Variants in PDXDC1 observed in about 807,000 individuals in gnomAD.
PDXDC1 encodes the protein pyridoxal-dependent decarboxylase domain-containing protein 1.
A neutral mutation model predicts 100.1 loss-of-function variants in PDXDC1; 42 were observed. The ratio of observed to expected loss-of-function variants is 0.42; its 90% CI spans 0.33 to 0.54. PDXDC1 has a LOEUF of 0.54. PDXDC1 is among the 20% of genes least tolerant of loss of function. PDXDC1 has a pLI of 0.10. For synonymous variants in PDXDC1, 260 were observed against 371.7 expected, an observed-to-expected ratio of 0.70 and a Z score of 3.46; for missense variants, 636 against 979.2, an observed-to-expected ratio of 0.65 and a Z score of 4.68.
chr16:15,022,566 G>C, intron 12 of PDXDC1, 138 bp from the exon 13 acceptor site: 1 of 646,894 alleles, frequency 1.5e-6, no homozygotes, highest in Non-Finnish European at 2.6e-6. Flanking sequence ...AAAACAGGTG[G>C]CTGAACTTAG....
chr16:15,077,579 C>T (rs1177157073), intron 16 of PDXDC1, among the ~76,000 whole-genome samples: 2 of 152,192 alleles, frequency 1.3e-5, no homozygotes, highest in African/African-American at 2.4e-5. Context: ...CAGTGGCTCA[C>T]GCCTGTAATC....
intron 16 of PDXDC1, chr16:15,047,661 G>A (rs1297941834): frequency 1.1e-6 from 1 of 952,184 alleles, no homozygotes; most frequent in Non-Finnish European, 1.7e-6. Context: ...ATCCTGTAGG[G>A]GAAAAACGGA....
rs747185802 is a variant in PDXDC1, at chr16:15,092,560, T to G, written c.1400-46319T>G. On this transcript the variant is annotated intron_variant, in intron 16 of 16. Transcript: ENST00000535621. ...TCACAGTTCCACCAAACCGAACAGT[T>G]TTTCTTGGGGGAGAATTGAAAAAGT... The G allele has an allele frequency of 6.2e-7, 1 of 1,613,594 alleles. No individual in the cohort carries two copies. Among genetic ancestry groups the G allele is most frequent in the East Asian group, 2.2e-5 (1 of 44,882 alleles).
chr16:15,131,679 G>T lies in PDXDC1; in HGVS notation c.1400-7200G>T. On this transcript the variant is annotated intron_variant, in intron 16 of 16. Coordinates refer to the PDXDC1 transcript ENST00000535621. ...GCTCTGAGCGCTGTGGTGCCCGCAC[G>T]TCTGAGCTGGCCAGGTGGATGAGGT... 6.4e-6 allele frequency: 10 copies of T among 1,560,732 alleles called. No homozygotes were observed. In the Admixed American group the frequency reaches 1.6e-4, roughly 25 times the overall value.
chr16:14,993,756 C>A (rs1397129909), intron 1 of PDXDC1, among the ~76,000 whole-genome samples: 7 of 152,416 alleles, frequency 4.6e-5, no homozygotes, highest in Admixed American at 1.3e-4. Flanking sequence ...TAGAGTCCCG[C>A]CAACAGTGTA....
At chr16:15,090,025 A>G (rs1003995570) in intron 16 of PDXDC1, among the ~76,000 whole-genome samples, 6 of 151,902 alleles carry the variant, frequency 3.9e-5, no homozygotes, top group Non-Finnish European at 8.8e-5. Context: ...CCTGGCCAAC[A>G]TGGTGAAACC....
chr16:15,148,573 G>A, the PDXDC1 span, among the ~76,000 whole-genome samples: 4 of 149,936 alleles, frequency 2.7e-5, no homozygotes, highest in South Asian at 4.2e-4. Context: ...TTTAGAGACC[G>A]GGGTCTCACC....
chr16:14,984,418 C>T, intron 1 of PDXDC1, among the ~76,000 whole-genome samples: 1 of 86,764 alleles, frequency 1.2e-5, no homozygotes, highest in African/African-American at 4.1e-5. Flanking sequence ...TTTTTTTTTT[C>T]CAAATCACAT....
In PDXDC1 at chr16:15,032,653, T is replaced by TAAAAAAAAAAAAA. The variant is rs377361206; in HGVS notation, c.1572-204_1572-192dup. The TAAAAAAAAAAAAA allele has an allele frequency of 6.9e-5, 15 of 216,438 alleles. 1 individual carries two copies. Among genetic ancestry groups the TAAAAAAAAAAAAA allele is most frequent in the South Asian group, 2.2e-4 (4 of 18,500 alleles). 13.4% of individuals were successfully genotyped at this position (216,438 alleles called of 1,614,324 possible). On this transcript the variant is annotated intron_variant, in intron 17 of 22. Transcript: ENST00000396410. ...TGGGCCACCAAGTGAGACCCTGCTT[T>TAAAAAAAAAAAAA]AAAAAAAAAAAAAAAAGGCTTTCCT...
chr16:14,977,045 A>C (rs1432090168), intron 1 of PDXDC1: 1 of 152,322 alleles, frequency 6.6e-6, no homozygotes, highest in Non-Finnish European at 1.5e-5. Context: ...GCATTTGATC[A>C]GTAGGTTACA....
Position 14,975,198 on chromosome 16 carries a change from C to T in PDXDC1, c.-2C>T. 1.4e-6 allele frequency: 2 copies of T among 1,441,218 alleles called. No homozygotes were observed. The highest frequency in any genetic ancestry group is 1.8e-6 in the Non-Finnish European group (2 of 1,107,562). 89.3% of individuals were successfully genotyped at this position (1,441,218 alleles called of 1,614,324 possible). On this transcript the variant is annotated 5_prime_UTR_variant, in exon 1 of 23. Coordinates refer to ENST00000396410, the MANE Select transcript of PDXDC1 (RefSeq NM_015027.4). ...GCCAGGCCACCACCGGCCGCCTCAGCCATGGACGCGTCCCTGGAGAAGGTC... is the reference window on the plus strand; with the variant it reads ...GCCAGGCCACCACCGGCCGCCTCAGTCATGGACGCGTCCCTGGAGAAGGTC...
chr16:15,145,818 G>A, the PDXDC1 span, among the ~76,000 whole-genome samples: 5 of 152,244 alleles, frequency 3.3e-5, no homozygotes, highest in Non-Finnish European at 5.9e-5. Flanking sequence ...CAGCTGGAGC[G>A]CAGGCAGCAG....
At chr16:15,075,945 C>T (rs745768496) in intron 16 of PDXDC1, among the ~76,000 whole-genome samples, 5 of 152,178 alleles carry the variant, frequency 3.3e-5, no homozygotes, top group Non-Finnish European at 7.3e-5. Flanking sequence ...TCCAGCCCCT[C>T]CCCCTTAGAA....
At chr16:15,105,913 AT>A (rs2046778265) in intron 16 of PDXDC1, 2 of 1,572,074 alleles carry the variant, frequency 1.3e-6, no homozygotes, top group African/African-American at 2.7e-5. Context: ...AGAATATTAG[AT>A]GGGGGCCCCA....
At chr16:15,124,444 T>G (rs1310288799) in intron 16 of PDXDC1, among the ~76,000 whole-genome samples, 1 of 151,974 alleles carries the variant, frequency 6.6e-6, no homozygotes, top group Non-Finnish European at 1.5e-5. Context: ...GCCTTTACCA[T>G]AAATAGAAAA....
At chr16:15,091,377 C>T in intron 16 of PDXDC1, 1 of 1,575,086 alleles carries the variant, frequency 6.3e-7, no homozygotes, top group Non-Finnish European at 8.7e-7. Flanking sequence ...TCACCCTTAA[C>T]AAGAAGGGGA....
the PDXDC1 span, among the ~76,000 whole-genome samples, chr16:15,152,010 G>C: frequency 2.0e-5 from 3 of 148,942 alleles, no homozygotes; most frequent in African/African-American, 4.9e-5. Context: ...GCTCTGGGGT[G>C]GGGGGTCTGT....
chr16:15,069,760 G>C (rs1428436005), intron 16 of PDXDC1, among the ~76,000 whole-genome samples: 1 of 152,158 alleles, frequency 6.6e-6, no homozygotes, highest in African/African-American at 2.4e-5. Context: ...GCTTTGTACA[G>C]GGCGCTGGCA....
chr16:15,032,727 G>A, intron 17 of PDXDC1, 134 bp from the exon 18 acceptor site: 1 of 632,140 alleles, frequency 1.6e-6, no homozygotes, highest in Non-Finnish European at 2.8e-6. Context: ...TTGTGGTCTG[G>A]AGACACTCGC....
Sources: gnomAD v4.1 joint callset for allele counts (sites outside exome capture counted in the v4.1 genomes callset) on GRCh38, gnomAD v4.1.1 for gene constraint, MANE v1.5 for transcripts, NCBI Gene and HGNC (gene_info 2026-07-23, HGNC 2026-07-21) for gene names.